The following FAM81A variants were observed in gnomAD, a reference collection of about 807,000 sequenced individuals.
FAM81A encodes the protein family with sequence similarity 81 member A.
In FAM81A, 19 loss-of-function variants were observed where a neutral mutation model predicts 46.7. The ratio of observed to expected loss-of-function variants is 0.41; its 90% CI spans 0.28 to 0.60. FAM81A has a LOEUF of 0.60. Ranked by LOEUF, FAM81A falls within the 20% of genes least tolerant of loss-of-function variation. The pLI is 0.34. For synonymous variants in FAM81A, 183 were observed against 152.9 expected, an observed-to-expected ratio of 1.20 and a Z score of -1.45; for missense variants, 377 against 453.5, an observed-to-expected ratio of 0.83 and a Z score of 1.53.
upstream of FAM81A, among the ~76,000 whole-genome samples, chr15:59,433,449 C>T (rs1158929797): frequency 6.6e-6 from 1 of 152,096 alleles, no homozygotes; most frequent in East Asian, 1.9e-4. Context: ...ATATTTTGTG[C>T]TTTCTCTGCT....
chr15:59,402,139 T>C (rs569265858), intron 1 of FAM81A: 2 of 323,900 alleles, frequency 6.2e-6, no homozygotes, highest in African/African-American at 4.4e-5. Context: ...TTGCTATTGC[T>C]TTATACTGCT....
At chr15:59,478,364 A>C (rs2081800770) in intron 3 of FAM81A, among the ~76,000 whole-genome samples, 1 of 152,208 alleles carries the variant, frequency 6.6e-6, no homozygotes, top group Admixed American at 6.5e-5. Context: ...TAGTTTAATA[A>C]TTTGCAAAAG....
chr15:59,508,505 C>A (rs1369106170), intron 5 of FAM81A, among the ~76,000 whole-genome samples: 3 of 152,052 alleles, frequency 2.0e-5, no homozygotes, highest in Admixed American at 6.6e-5. Context: ...AATAAAAATT[C>A]TATTTTCTAT....
intron 2 of FAM81A, chr15:59,406,819 G>C (rs1405459417): frequency 6.6e-6 from 1 of 151,556 alleles, no homozygotes; most frequent in African/African-American, 2.4e-5. Context: ...GTTCAGAGGT[G>C]TGCACTGGCT....
rs187588529 is a variant in FAM81A at position 59,507,679 on chromosome 15, C to G, written c.543+337C>G. Reference sequence around the variant, plus strand: ...GTGATCAAGCATCCTTTACATGCCACTCGTCCCAATTTTTGATTCAGGAAA... The same window carrying G: ...GTGATCAAGCATCCTTTACATGCCAGTCGTCCCAATTTTTGATTCAGGAAA... On this transcript the variant is annotated intron_variant, in intron 5 of 8. Coordinates refer to ENST00000288228, the MANE Select transcript of FAM81A (RefSeq NM_152450.3). Among the ~76,000 whole-genome samples the G allele has an allele frequency of 2.6e-5, 4 of 152,318 alleles. No homozygotes were observed. In the East Asian group the frequency reaches 7.7e-4, roughly 29 times the overall value.
At chr15:59,411,644 A>G (rs1226939676) in intron 2 of FAM81A, among the ~76,000 whole-genome samples, 2 of 152,162 alleles carry the variant, frequency 1.3e-5, no homozygotes, top group Admixed American at 6.6e-5. Flanking sequence ...GGCCAGATGC[A>G]GTGGTTCACT....
chr15:59,486,165 G>A (rs1293757544), intron 3 of FAM81A, among the ~76,000 whole-genome samples: 1 of 151,090 alleles, frequency 6.6e-6, no homozygotes, highest in Non-Finnish European at 1.5e-5. Flanking sequence ...GGCAACAAGA[G>A]CAACACTCTG....
At chr15:59,449,040 A>G (rs1360622611) in intron 1 of FAM81A, among the ~76,000 whole-genome samples, 1 of 152,230 alleles carries the variant, frequency 6.6e-6, no homozygotes, top group Non-Finnish European at 1.5e-5. Flanking sequence ...CATTTATCCA[A>G]TAGCCATTTA....
intron 1 of FAM81A, among the ~76,000 whole-genome samples, chr15:59,453,694 A>C (rs2081446917): frequency 6.6e-6 from 1 of 152,088 alleles, no homozygotes; most frequent in South Asian, 2.1e-4. Context: ...GTTAAGAGAA[A>C]GGGCAAAGGA....
intron 1 of FAM81A, among the ~76,000 whole-genome samples, chr15:59,400,178 G>GC: frequency 6.6e-6 from 1 of 152,182 alleles, no homozygotes; most frequent in East Asian, 1.9e-4. Context: ...TCATGCTCTT[G>GC]CCCCCCAATT....
At chr15:59,449,777 G>A (rs1189904608) in intron 1 of FAM81A, among the ~76,000 whole-genome samples, 1 of 59,830 alleles carries the variant, frequency 1.7e-5, no homozygotes, top group African/African-American at 7.6e-5. Context: ...GCGAGACTCT[G>A]TCTCAAAAAA....
chr15:59,426,815 C>T (rs2081197159), intron 2 of FAM81A, among the ~76,000 whole-genome samples: 1 of 152,180 alleles, frequency 6.6e-6, no homozygotes, highest in South Asian at 2.1e-4. Flanking sequence ...AATAGAGTGA[C>T]ATAGCAATCT....
chr15:59,483,767 A>T (rs2081883683), intron 3 of FAM81A, among the ~76,000 whole-genome samples: 1 of 152,184 alleles, frequency 6.6e-6, no homozygotes, highest in African/African-American at 2.4e-5. Context: ...TACCTTCCTG[A>T]ACAGTTGGGA....
intron 1 of FAM81A, among the ~76,000 whole-genome samples, chr15:59,446,981 C>G (rs11858288): frequency 0.038 from 5,757 of 152,306 alleles, 134 homozygotes; most frequent in South Asian, 0.05. Context: ...TTGTCATTCA[C>G]TGGTTCATTC....
At chr15:59,473,544 A>T (rs1389633000) in intron 3 of FAM81A, among the ~76,000 whole-genome samples, 2 of 152,204 alleles carry the variant, frequency 1.3e-5, no homozygotes, top group Non-Finnish European at 2.9e-5. Flanking sequence ...CATGTTTCAC[A>T]TTAGAAAATA....
Position 59,479,319 on chromosome 15 carries a change from T to C in FAM81A, c.295-12952T>C, listed in dbSNP as rs140038232. Among the ~76,000 whole-genome samples, 582 of 152,070 alleles carry C rather than the reference T, an allele frequency of 3.8e-3. 6 individuals carry two copies. The highest frequency in any genetic ancestry group is 0.013 in the African/African-American group (548 of 41,490). On this transcript the variant is annotated intron_variant, in intron 3 of 8. Transcript: ENST00000288228. ...CGAGGTCAGGAGTTCAAGACCAGAC[T>C]GACCAATATGGTGATACCCTGTCTC...
chr15:59,492,225 A>G (rs1363761860), intron 3 of FAM81A, 46 bp from the exon 4 acceptor site: 1 of 1,403,810 alleles, frequency 7.1e-7, no homozygotes, highest in Admixed American at 1.9e-5. Flanking sequence ...TTGTGGAAGC[A>G]CGTGAATTCT....
chr15:59,449,042 A>T (rs1315374381), intron 1 of FAM81A, among the ~76,000 whole-genome samples: 1 of 152,224 alleles, frequency 6.6e-6, no homozygotes, highest in East Asian at 1.9e-4. Context: ...TTTATCCAAT[A>T]GCCATTTATA....
At chr15:59,407,828 G>A in intron 2 of FAM81A, 1 of 252,180 alleles carries the variant, frequency 4.0e-6, no homozygotes, top group Non-Finnish European at 7.5e-6. Flanking sequence ...TTCTTCTCTT[G>A]CTTTGTCTCT....
Sources: allele counts gnomAD v4.1 joint callset (sites outside exome capture counted in the v4.1 genomes callset), GRCh38; gene constraint gnomAD v4.1.1; transcripts MANE v1.5; gene names NCBI Gene and HGNC (gene_info 2026-07-23, HGNC 2026-07-21).